Variants in STK10 observed in about 807,000 individuals in gnomAD.
The protein encoded by STK10 is serine/threonine kinase 10.
Under a neutral mutation model 113.8 loss-of-function variants are expected in STK10, and 78 were observed. The ratio of observed to expected loss-of-function variants is 0.69; its 90% CI spans 0.57 to 0.83. The LOEUF is 0.83. STK10 is among the 40% of genes least tolerant of loss of function. STK10 has a pLI of 0.00. For missense variants in STK10, 1,109 were observed against 1,280.1 expected, an observed-to-expected ratio of 0.87 and a Z score of 2.04; for synonymous variants, 465 against 494.7, an observed-to-expected ratio of 0.94 and a Z score of 0.80.
At position 172,090,152 on chromosome 5, in the gene STK10, T is replaced by C; in HGVS notation, c.1685+80A>G. 1.9e-6 allele frequency: 3 copies of C among 1,561,162 alleles called. No homozygotes were observed. The South Asian group carries it at 3.6e-5, about 19-fold the overall frequency. On this transcript the variant is annotated intron_variant, in intron 10 of 18. Transcript: ENST00000176763. ...ACTTCATGCTGTAGACAGACAGCCC[T>C]CTCACCAAAGGACCAATGCCCACTC...
intron 7 of STK10, among the ~76,000 whole-genome samples, chr5:172,103,757 T>A (rs183417401): frequency 0.099 from 14,989 of 152,004 alleles, 840 homozygotes; most frequent in Non-Finnish European, 0.12. Flanking sequence ...TTTTCATTTT[T>A]AAAAAAATAA....
chr5:172,125,367 C>G (rs536534080), intron 3 of STK10, among the ~76,000 whole-genome samples: 4 of 151,904 alleles, frequency 2.6e-5, no homozygotes, highest in Admixed American at 2.6e-4. Context: ...GGGTACAAGT[C>G]ATCTGCTCAT....
chr5:172,075,385 T>C (rs867903012), intron 12 of STK10, among the ~76,000 whole-genome samples: 1 of 151,834 alleles, frequency 6.6e-6, no homozygotes, highest in African/African-American at 2.4e-5. Flanking sequence ...CACTAAAAAA[T>C]ACATATGGGT....
At chr5:172,125,141 C>T (rs77160586) in intron 3 of STK10, among the ~76,000 whole-genome samples, 2,140 of 152,304 alleles carry the variant, frequency 0.014, 44 homozygotes, top group African/African-American at 0.048. Context: ...CCTTTTGGTA[C>T]ATCCGCATTT....
At chr5:172,181,148 CCT>C (rs2113843853) in intron 1 of STK10, among the ~76,000 whole-genome samples, 1 of 152,324 alleles carries the variant, frequency 6.6e-6, no homozygotes, top group Non-Finnish European at 1.5e-5. Flanking sequence ...TCCACAGCTC[CCT>C]ACGCTGCTGC....
At chr5:172,117,914 G>A (rs1245837891) in intron 3 of STK10, among the ~76,000 whole-genome samples, 3 of 150,710 alleles carry the variant, frequency 2.0e-5, no homozygotes, top group African/African-American at 7.3e-5. Flanking sequence ...TCAGGAGGTT[G>A]AGGCAGGAGA....
At chr5:172,178,715 G>A (rs1770801293) in intron 1 of STK10, among the ~76,000 whole-genome samples, 2 of 152,212 alleles carry the variant, frequency 1.3e-5, no homozygotes, top group South Asian at 2.1e-4. Context: ...TTCTCTGACT[G>A]AAAGACCCAA....
rs1172412422 is a variant in STK10 at position 172,093,545 on chromosome 5, G to T, written c.1421C>A (p.Ala474Asp). ...KLANGSLEPPAQAAPGPSKRD... is the reference protein window; with the variant it reads ...KLANGSLEPPDQAAPGPSKRD... ...CTTGGAAGGCCCTGGAGCTGCCTGG[G>T]CAGGTGGCTCCAGGCTGCCATTGGC... Residue 474 changes from alanine (A) to aspartate (D), a missense_variant, in exon 9 of 19, where the codon GCC becomes GAC. Ala to Asp is a moderately radical substitution (Grantham distance 126). Transcript: ENST00000176763. The surrounding 1 kb of genome is among the most constrained non-coding windows in gnomAD (Gnocchi z 4.1). 2.5e-6 allele frequency: 4 copies of T among 1,614,218 alleles called. No homozygotes were observed. Among genetic ancestry groups the T allele is most frequent in the East Asian group, 2.2e-5 (1 of 44,894 alleles).
intron 1 of STK10, among the ~76,000 whole-genome samples, chr5:172,180,446 C>T (rs1247579526): frequency 6.6e-6 from 1 of 152,008 alleles, no homozygotes; most frequent in Non-Finnish European, 1.5e-5. Context: ...GCCTGGGCGA[C>T]AGAGCAAGAC....
Position 172,093,835 on chromosome 5 carries a change from C to T in STK10, c.1131G>A (p.Glu377=), listed in dbSNP as rs752769997. ...APSQSQDSVN[E]PCSQPSGDRS... Reference sequence around the variant, plus strand: ...TGTCCCCAGAGGGCTGGCTGCAGGGCTCATTCACACTGTCCTGAGACTGGC... The same window carrying T: ...TGTCCCCAGAGGGCTGGCTGCAGGGTTCATTCACACTGTCCTGAGACTGGC... Residue 377 remains glutamate (E), a synonymous_variant, in exon 9 of 19, where the codon GAG becomes GAA. Coordinates refer to ENST00000176763, the MANE Select transcript of STK10 (RefSeq NM_005990.4). This position sits in a 1 kb window ranked among gnomAD's most constrained non-coding sequence, Gnocchi z 4.1. The T allele has an allele frequency of 1.2e-6, 2 of 1,601,618 alleles. No individual in the cohort carries two copies. The highest frequency in any genetic ancestry group is 2.2e-5 in the South Asian group (2 of 89,554).
intron 12 of STK10, among the ~76,000 whole-genome samples, chr5:172,079,775 T>C (rs1341534674): frequency 6.6e-6 from 1 of 152,136 alleles, no homozygotes; most frequent in African/African-American, 2.4e-5. Context: ...TTGGCCAGGC[T>C]GGTTTCGAAC....
At chr5:172,067,367 A>C (rs1047678562) in intron 12 of STK10, among the ~76,000 whole-genome samples, 5 of 130,156 alleles carry the variant, frequency 3.8e-5, no homozygotes, top group African/African-American at 1.6e-4. Flanking sequence ...TAAATAAATA[A>C]ATAGAATAAA....
In STK10 at chr5:172,083,099, G is replaced by T; in HGVS notation, c.1686-15C>A. The T allele has an allele frequency of 6.2e-7, 1 of 1,613,668 alleles. No individual in the cohort carries two copies. Among genetic ancestry groups the T allele is most frequent in the Non-Finnish European group, 8.5e-7 (1 of 1,179,944 alleles). On this transcript the variant is annotated splice_polypyrimidine_tract_variant and intron_variant, in intron 10 of 18. Transcript: ENST00000176763. ...GTTCCTGGCGCCTGAAAGGTTAAAG[G>T]ATACAGATATTTCACAGTAAGAAAC...
chr5:172,153,620 A>G (rs993844292), intron 2 of STK10, among the ~76,000 whole-genome samples: 1 of 152,224 alleles, frequency 6.6e-6, no homozygotes, highest in African/African-American at 2.4e-5. Flanking sequence ...TCTCATCCCA[A>G]AGTCCCTGAG....
intron 18 of STK10, among the ~76,000 whole-genome samples, chr5:172,050,030 T>A (rs993328988): frequency 2.0e-5 from 3 of 152,192 alleles, no homozygotes; most frequent in African/African-American, 7.2e-5. Flanking sequence ...CTCGAACTCT[T>A]AACCTCAGGT....
intron 12 of STK10, among the ~76,000 whole-genome samples, chr5:172,072,630 A>C (rs1454311442): frequency 1.3e-5 from 2 of 152,170 alleles, no homozygotes; most frequent in African/African-American, 4.8e-5. Flanking sequence ...TAATCCAATG[A>C]GGGCAGCTAT....
At chr5:172,058,855 A>G (rs902510204) in intron 14 of STK10, among the ~76,000 whole-genome samples, 3 of 152,086 alleles carry the variant, frequency 2.0e-5, no homozygotes, top group Admixed American at 1.3e-4. Context: ...GTGCCACTGC[A>G]CTCCAGCCTG....
chr5:172,149,327 T>C (rs1581178953), intron 2 of STK10, among the ~76,000 whole-genome samples: 1 of 152,208 alleles, frequency 6.6e-6, no homozygotes, highest in East Asian at 1.9e-4. Flanking sequence ...CCCTGCCTCC[T>C]GATTCACCCT....
chr5:172,133,064 G>A lies in STK10; in HGVS notation c.322-5643C>T, dbSNP rs1004294475. ...CACAGAAGCAGAGGTGGGGCAGCAGGGAAAAGCGTGGAAGCGGGTAATGGC... is the reference window on the plus strand; with the variant it reads ...CACAGAAGCAGAGGTGGGGCAGCAGAGAAAAGCGTGGAAGCGGGTAATGGC... On this transcript the variant is annotated intron_variant, in intron 2 of 18. Transcript: ENST00000176763. This position sits in a 1 kb window ranked among gnomAD's most constrained non-coding sequence, Gnocchi z 4.9. Among the ~76,000 whole-genome samples the A allele has an allele frequency of 1.2e-4, 19 of 152,226 alleles. No homozygotes were observed. Among genetic ancestry groups the A allele is most frequent in the Non-Finnish European group, 4.4e-5 (3 of 68,040 alleles).
Sources: allele counts gnomAD v4.1 joint callset (sites outside exome capture counted in the v4.1 genomes callset), GRCh38; gene constraint gnomAD v4.1.1; non-coding constraint Gnocchi (gnomAD v3.1); transcripts MANE v1.5; gene names NCBI Gene and HGNC (gene_info 2026-07-23, HGNC 2026-07-21).